SMG1: variants seen among roughly 807,000 people sequenced by gnomAD.
SMG1 encodes SMG1 nonsense mediated mRNA decay associated PI3K related kinase.
A neutral mutation model predicts 419.9 loss-of-function variants in SMG1; 22 were observed. The ratio of observed to expected loss-of-function variants is 0.05; its 90% CI spans 0.04 to 0.07. The LOEUF (loss-of-function observed/expected upper bound fraction) is 0.07, where lower values mean the gene tolerates loss of function less well. Among genes scored for constraint, SMG1 ranks in the 10% least tolerant of loss-of-function variants. The pLI, the probability that SMG1 is intolerant of heterozygous loss-of-function variation, is 1.00. For missense variants in SMG1, 3,185 were observed against 4,342.0 expected (o/e 0.73, Z 7.49); for synonymous variants, 1,538 against 1,553.5 (o/e 0.99, Z 0.23).
In SMG1 at chr16:18,807,148, C is replaced by G. The variant is rs1226736405; in HGVS notation, c.*2421G>C. The G allele has an allele frequency of 6.6e-6, 1 of 152,194 alleles. No homozygotes were observed. The highest frequency in any genetic ancestry group is 1.5e-5 in the Non-Finnish European group (1 of 68,040). 9.4% of individuals were successfully genotyped at this position (152,194 alleles called of 1,614,324 possible). On this transcript the variant is annotated 3_prime_UTR_variant, in exon 63 of 63. Coordinates refer to ENST00000446231, the MANE Select transcript of SMG1 (RefSeq NM_015092.5). ...TGCTTGAGTAAGGTGCCAGGTACCT[C>G]TGAAGCCTGAAAACACAGGCAATAA...
intron 15 of SMG1, among the ~76,000 whole-genome samples, 161 bp from the exon 16 acceptor site, chr16:18,871,643 A>G (rs1301069620): frequency 6.6e-6 from 1 of 152,194 alleles, no homozygotes; most frequent in Non-Finnish European, 1.5e-5. Flanking sequence ...TTACTGTCAA[A>G]ATTGTTGTGT....
chr16:18,831,774 C>CATATATATAT (rs67247211), intron 51 of SMG1, among the ~76,000 whole-genome samples: 29 of 129,228 alleles, frequency 2.2e-4, no homozygotes, highest in African/African-American at 8.4e-4. Context: ...AAAAAAAATA[C>CATATATATAT]ATATATATAT....
In SMG1 at chr16:18,819,426, C is replaced by A. The variant is rs1294313290; in HGVS notation, c.9894+76G>T. 3.3e-6 allele frequency: 5 copies of A among 1,495,938 alleles called. No homozygotes were observed. In the African/African-American group the frequency reaches 4.1e-5, roughly 12 times the overall value. 92.7% of individuals were successfully genotyped at this position (1,495,938 alleles called of 1,614,324 possible). On this transcript the variant is annotated intron_variant, in intron 56 of 62. Coordinates refer to ENST00000446231, the MANE Select transcript of SMG1 (RefSeq NM_015092.5). Reference sequence around the variant, plus strand: ...GTGGGCTCTCAAGCTCCCCTAGTTACCCCACATATAACTTCCAGCTACTCA... The same window carrying A: ...GTGGGCTCTCAAGCTCCCCTAGTTAACCCACATATAACTTCCAGCTACTCA...
chr16:18,881,041 C>A (rs1433809282), intron 10 of SMG1, among the ~76,000 whole-genome samples: 1 of 150,812 alleles, frequency 6.6e-6, no homozygotes, highest in South Asian at 2.1e-4. Context: ...TCATATGGGC[C>A]CAGGAGTTCA....
In SMG1 at chr16:18,809,483, G is replaced by C. The variant is rs957597543; in HGVS notation, c.*86C>G. 3.0e-5 allele frequency: 30 copies of C among 991,860 alleles called. No individual in the cohort carries two copies. Among genetic ancestry groups the C allele is most frequent in the Non-Finnish European group, 4.3e-5 (27 of 633,580 alleles). 61.4% of individuals were successfully genotyped at this position (991,860 alleles called of 1,614,324 possible). A position where few individuals can be genotyped will look rare whatever the true frequency, so the allele number is the denominator to read the frequency against. ...GCCCCCAGTTGCATCACCACCGACT[G>C]TGGTGTGGCTTTGGATGCCTGAGGC... On this transcript the variant is annotated 3_prime_UTR_variant, in exon 63 of 63. Coordinates refer to ENST00000446231, the MANE Select transcript of SMG1 (RefSeq NM_015092.5).
At position 18,808,931 on chromosome 16, in the gene SMG1, G is replaced by A. The variant is rs1368615010; in HGVS notation, c.*638C>T. 1 of 152,508 alleles carries A rather than the reference G, an allele frequency of 6.6e-6. No homozygotes were observed. Among genetic ancestry groups the A allele is most frequent in the Non-Finnish European group, 1.5e-5 (1 of 68,002 alleles). 9.4% of individuals were successfully genotyped at this position (152,508 alleles called of 1,614,324 possible). On this transcript the variant is annotated 3_prime_UTR_variant, in exon 63 of 63. Transcript: ENST00000446231. ...TGGTGGGGAGGAGTAGGGAACGATG[G>A]GGTGGTTTTTTTCCCTTCATTTCAG...
In SMG1 at chr16:18,896,930, T is replaced by C. The variant is rs920458516; in HGVS notation, c.119A>G (p.Asp40Gly). 3.8e-6 allele frequency: 6 copies of C among 1,581,550 alleles called. No individual in the cohort carries two copies. In the African/African-American group the frequency reaches 4.0e-5, roughly 11 times the overall value. Residue 40 changes from aspartate to glycine, a missense_variant, in exon 2 of 63, where the codon GAT becomes GGT. Asp to Gly is a moderately conservative substitution (Grantham distance 94). Transcript: ENST00000446231. Reference sequence around the variant, plus strand: ...TCTGGATGAAGAATATTTTAAATTATCTGGGTCGGCTGATGCACTATCAGT... The same window carrying C: ...TCTGGATGAAGAATATTTTAAATTACCTGGGTCGGCTGATGCACTATCAGT... ...PRTDSASADP[D>G]NLKYSSSRDR...
chr16:18,854,897 T>C lies in SMG1; in HGVS notation c.4242A>G (p.Thr1414=). ...CCATGAGATGGCTTCTAATTGGGAC[T>C]GTTTGTTCTGAAGAGAGGAAAACGT... The part of the protein sequence containing the change: ...NQLLEKIKEQ[T]VPIRSHLMEL... The change falls in exon 30 of 63, where the codon ACA becomes ACG. Residue 1414 remains threonine (T), a synonymous_variant. Transcript: ENST00000446231. 6.2e-7 allele frequency: 1 copy of C among 1,613,556 alleles called. No individual in the cohort carries two copies. Among genetic ancestry groups the C allele is most frequent in the African/African-American group, 1.3e-5 (1 of 75,032 alleles).
At position 18,838,004 on chromosome 16, in the gene SMG1, T is replaced by G. The variant is rs1347917533; in HGVS notation, c.7413+10A>C. The G allele has an allele frequency of 1.9e-6, 3 of 1,613,220 alleles. No individual in the cohort carries two copies. In the East Asian group the frequency reaches 6.7e-5, roughly 36 times the overall value. ...AGAAGACAATGACTTATTCCGTCAC[T>G]GGGCTTCACCTTAATCTCAGCTACT... is the stretch of plus-strand genomic sequence containing the variant. On this transcript the variant is annotated intron_variant, in intron 45 of 62. Transcript: ENST00000446231.
chr16:18,813,104 A>C (rs1786410904), intron 60 of SMG1, among the ~76,000 whole-genome samples: 2 of 152,094 alleles, frequency 1.3e-5, no homozygotes, highest in African/African-American at 4.8e-5. Context: ...AGTCTTTGCT[A>C]TTGTGAGTAG....
rs2035022077 is a variant in SMG1, at chr16:18,858,195, C to T, written c.4209G>A (p.Gln1403=). The T allele has an allele frequency of 1.9e-6, 3 of 1,584,662 alleles. No homozygotes were observed. Among genetic ancestry groups the T allele is most frequent in the African/African-American group, 1.3e-5 (1 of 74,192 alleles). ...WMQALRYTMY[Q]NQLLEKIKEQ... is the part of the protein sequence containing the mutation. ...CTTTAATTTTCTCCAACAACTGATTCTGGTACATAGTATACCTTAATGCCT... is the reference window on the plus strand; with the variant it reads ...CTTTAATTTTCTCCAACAACTGATTTTGGTACATAGTATACCTTAATGCCT... The change falls in exon 29 of 63, where the codon CAG becomes CAA. Residue 1403 remains glutamine (Q), a synonymous_variant. Transcript: ENST00000446231.
At chr16:18,852,526 C>A in intron 31 of SMG1, 64 bp from the exon 32 acceptor site, 1 of 1,318,378 alleles carries the variant, frequency 7.6e-7, no homozygotes, top group Non-Finnish European at 9.9e-7. Context: ...TTCATAAATT[C>A]CTAACGACAT....
intron 25 of SMG1, 144 bp downstream of exon 25, chr16:18,863,506 T>C: frequency 2.7e-6 from 2 of 740,670 alleles, no homozygotes; most frequent in Admixed American, 2.2e-5. Context: ...GTCAGTTTCC[T>C]GTTGTCATTT....
chr16:18,838,818 T>C (rs1197711354), intron 42 of SMG1, 129 bp from the exon 43 acceptor site: 5 of 669,720 alleles, frequency 7.5e-6, no homozygotes, highest in African/African-American at 1.8e-5. Context: ...AATCAACAAA[T>C]AAAAAGCATT....
rs1018377242 is a variant in SMG1, at chr16:18,808,691, G to A, written c.*878C>T. ...TTTTGAATGCACAGTGACAATTCTGGAAACTGTACATGATAGAATCACAGA... is the reference window on the plus strand; with the variant it reads ...TTTTGAATGCACAGTGACAATTCTGAAAACTGTACATGATAGAATCACAGA... On this transcript the variant is annotated 3_prime_UTR_variant, in exon 63 of 63. Transcript: ENST00000446231. The A allele has an allele frequency of 6.5e-6, 1 of 152,714 alleles. No homozygotes were observed. The highest frequency in any genetic ancestry group is 1.9e-4 in the East Asian group (1 of 5,188). The allele number at this position is 152,714 out of a possible 1,614,324, so 9.5% of individuals were successfully genotyped here.
intron 1 of SMG1, among the ~76,000 whole-genome samples, chr16:18,921,586 G>A (rs982187296): frequency 1.3e-5 from 2 of 151,836 alleles, no homozygotes; most frequent in African/African-American, 4.8e-5. Context: ...AAGTAATTGC[G>A]GTTTTTGCCA....
chr16:18,851,410 C>T (rs1367712658), intron 33 of SMG1, among the ~76,000 whole-genome samples: 7 of 152,266 alleles, frequency 4.6e-5, no homozygotes, highest in African/African-American at 1.2e-4. Flanking sequence ...CACACACACG[C>T]GCACGCGCAC....
chr16:18,833,496 A>G (rs2033348657), intron 50 of SMG1, among the ~76,000 whole-genome samples: 1 of 152,018 alleles, frequency 6.6e-6, no homozygotes, highest in Non-Finnish European at 1.5e-5. Flanking sequence ...TTTAGGAATC[A>G]TATTTCTGTA....
intron 11 of SMG1, 54 bp from the exon 12 acceptor site, chr16:18,877,286 G>C (rs1218961985): frequency 7.5e-7 from 1 of 1,331,888 alleles, no homozygotes; most frequent in African/African-American, 1.5e-5. Flanking sequence ...AAAAGACATG[G>C]AGAAACCTTA....
Sources: gnomAD v4.1 joint callset for allele counts (sites outside exome capture counted in the v4.1 genomes callset) on GRCh38, gnomAD v4.1.1 for gene constraint, MANE v1.5 for transcripts, NCBI Gene and HGNC (gene_info 2026-07-23, HGNC 2026-07-21) for gene names.